Variants in C8orf34 observed in about 807,000 individuals in gnomAD.
C8orf34 encodes the protein chromosome 8 open reading frame 34.
A neutral mutation model predicts 68.3 loss-of-function variants in C8orf34; 65 were observed. The observed-to-expected ratio is 0.95, with a 90% confidence interval of 0.78 to 1.17. The LOEUF (loss-of-function observed/expected upper bound fraction) is 1.17. C8orf34 is among the 50% of genes most tolerant of loss of function. The pLI, the probability that C8orf34 is intolerant of heterozygous loss-of-function variation, is 0.00. For synonymous variants in C8orf34, 244 were observed against 241.2 expected (o/e 1.01, Z -0.11); for missense variants, 664 against 655.4 (o/e 1.01, Z -0.14).
chr8:68,355,343 G>C (rs2129618901), intron 1 of C8orf34, among the ~76,000 whole-genome samples: 1 of 152,226 alleles, frequency 6.6e-6, no homozygotes, highest in African/African-American at 2.4e-5. Context: ...CTCAGGTTTG[G>C]CAATCTGTCT....
chr8:68,381,658 G>C, intron 1 of C8orf34, among the ~76,000 whole-genome samples: 1 of 142,686 alleles, frequency 7.0e-6, no homozygotes, highest in Non-Finnish European at 1.5e-5. Flanking sequence ...CGTGAACCCG[G>C]GAAGCGGAGC....
intron 1 of C8orf34, among the ~76,000 whole-genome samples, chr8:68,378,302 G>A (rs532964954): frequency 2.0e-5 from 3 of 152,256 alleles, no homozygotes; most frequent in African/African-American, 7.2e-5. Flanking sequence ...CTACAAGAAT[G>A]TAAGGAGCTT....
chr8:68,658,308 A>T (rs1819568261), intron 8 of C8orf34, among the ~76,000 whole-genome samples: 1 of 142,338 alleles, frequency 7.0e-6, no homozygotes, highest in Non-Finnish European at 1.5e-5. Context: ...TCCCCTTTGA[A>T]TAATGACTGA....
At chr8:68,795,427 A>C (rs367682537) in intron 12 of C8orf34, among the ~76,000 whole-genome samples, 1 of 151,794 alleles carries the variant, frequency 6.6e-6, no homozygotes, top group Non-Finnish European at 1.5e-5. Flanking sequence ...GTAATATAAC[A>C]TAATGTGGAA....
At chr8:68,528,648 G>A (rs1815115334) in intron 6 of C8orf34, among the ~76,000 whole-genome samples, 1 of 152,064 alleles carries the variant, frequency 6.6e-6, no homozygotes, top group Non-Finnish European at 1.5e-5. Flanking sequence ...CTGAATTCAC[G>A]ACCACCAAAC....
chr8:68,370,018 T>C (rs1459319019), intron 1 of C8orf34, among the ~76,000 whole-genome samples: 1 of 152,146 alleles, frequency 6.6e-6, no homozygotes, highest in East Asian at 1.9e-4. Context: ...GCATGCTCCT[T>C]TGTGGTGTTA....
At chr8:68,575,836 G>A (rs2130305043) in intron 7 of C8orf34, among the ~76,000 whole-genome samples, 1 of 151,856 alleles carries the variant, frequency 6.6e-6, no homozygotes, top group South Asian at 2.1e-4. Context: ...TTGGCTCCTA[G>A]TGACAAAGTA....
At chr8:68,686,575 T>A (rs568772649) in intron 8 of C8orf34, among the ~76,000 whole-genome samples, 3 of 152,198 alleles carry the variant, frequency 2.0e-5, no homozygotes, top group African/African-American at 7.2e-5. Flanking sequence ...AAATCCAGCA[T>A]CCTTTTATGA....
At chr8:68,794,343 T>C (rs1824101747) in intron 12 of C8orf34, among the ~76,000 whole-genome samples, 1 of 150,548 alleles carries the variant, frequency 6.6e-6, no homozygotes, top group South Asian at 2.1e-4. Flanking sequence ...GGCTATTCTT[T>C]TTATTTTTGT....
At chr8:68,565,410 G>A (rs1296214560) in intron 7 of C8orf34, among the ~76,000 whole-genome samples, 1 of 152,192 alleles carries the variant, frequency 6.6e-6, no homozygotes, top group African/African-American at 2.4e-5. Context: ...GCTAAAATGA[G>A]TCAGTGCTCT....
intron 10 of C8orf34, among the ~76,000 whole-genome samples, chr8:68,762,055 G>A (rs1384406164): frequency 2.6e-5 from 4 of 152,114 alleles, no homozygotes; most frequent in Non-Finnish European, 5.9e-5. Context: ...TCACCCCCTT[G>A]GCTGTGGCAC....
chr8:68,730,868 T>C (rs1009101076), intron 10 of C8orf34, among the ~76,000 whole-genome samples: 4 of 152,140 alleles, frequency 2.6e-5, no homozygotes, highest in African/African-American at 9.7e-5. Flanking sequence ...ATCCCAGTCA[T>C]GAGTCTGTTC....
chr8:68,787,647 C>A, intron 12 of C8orf34, 111 bp downstream of exon 12: 6 of 648,660 alleles, frequency 9.2e-6, no homozygotes, highest in South Asian at 2.3e-5. Flanking sequence ...AAAAAAAATC[C>A]AGACTCTGTT....
At chr8:68,452,270 G>T (rs1383396380) in intron 3 of C8orf34, among the ~76,000 whole-genome samples, 5 of 150,478 alleles carry the variant, frequency 3.3e-5, no homozygotes, top group African/African-American at 1.2e-4. Context: ...ATATTACTGT[G>T]TACTTGATTT....
chr8:68,331,514 G>T lies in C8orf34; in HGVS notation c.327+175G>T. 4.1e-6 allele frequency: 3 copies of T among 738,880 alleles called. No homozygotes were observed. In the East Asian group the frequency reaches 8.3e-5, roughly 20 times the overall value. The allele number at this position is 738,880 out of a possible 1,614,324, so 45.8% of individuals were successfully genotyped here. Reference sequence around the variant, plus strand: ...CGCTCTGTCCCGGCCAGGTGTCCTGGAACGCGGCCGGGCGGGCACTTAGCC... The same window carrying T: ...CGCTCTGTCCCGGCCAGGTGTCCTGTAACGCGGCCGGGCGGGCACTTAGCC... On this transcript the variant is annotated intron_variant, in intron 1 of 13. Coordinates refer to ENST00000518698, the MANE Select transcript of C8orf34 (RefSeq NM_052958.4).
At chr8:68,809,370 G>C (rs1393393117) in intron 12 of C8orf34, among the ~76,000 whole-genome samples, 1 of 152,082 alleles carries the variant, frequency 6.6e-6, no homozygotes, top group Non-Finnish European at 1.5e-5. Flanking sequence ...AGCACTACAG[G>C]GGAAAGGTTT....
intron 7 of C8orf34, among the ~76,000 whole-genome samples, chr8:68,586,576 A>C (rs1319160476): frequency 6.6e-6 from 1 of 152,144 alleles, no homozygotes; most frequent in Admixed American, 6.6e-5. Flanking sequence ...ACAAAGACAC[A>C]CTGCTCTGTT....
At chr8:68,589,487 A>T (rs1817306400) in intron 7 of C8orf34, among the ~76,000 whole-genome samples, 1 of 149,540 alleles carries the variant, frequency 6.7e-6, no homozygotes, top group Non-Finnish European at 1.5e-5. Flanking sequence ...GAAAAGAAAG[A>T]AGAAAGAAAG....
chr8:68,589,875 G>C (rs185273073), intron 7 of C8orf34, among the ~76,000 whole-genome samples: 2 of 132,982 alleles, frequency 1.5e-5, no homozygotes, highest in African/African-American at 2.9e-5. Flanking sequence ...GGGAGGGAGA[G>C]AGGAAAGGAA....
Sources: gnomAD v4.1 joint callset for allele counts (sites outside exome capture counted in the v4.1 genomes callset) on GRCh38, gnomAD v4.1.1 for gene constraint, MANE v1.5 for transcripts, NCBI Gene and HGNC (gene_info 2026-07-23, HGNC 2026-07-21) for gene names.